PTPRD: variants seen among roughly 807,000 people sequenced by gnomAD.
PTPRD encodes the protein protein tyrosine phosphatase receptor type D.
Under a neutral mutation model 214.5 loss-of-function variants are expected in PTPRD, and 34 were observed. The observed-to-expected ratio is 0.16, with a 90% CI of 0.12 to 0.21. The LOEUF (loss-of-function observed/expected upper bound fraction) is 0.21. PTPRD is among the 10% of genes least tolerant of loss of function. PTPRD has a pLI of 1.00. For synonymous variants in PTPRD, 1,128 were observed against 845.7 expected, an observed-to-expected ratio of 1.33 and a Z score of -5.79; for missense variants, 2,545 against 2,398.7, an observed-to-expected ratio of 1.06 and a Z score of -1.27.
chr9:8,590,593 T>C (rs1159703738), intron 14 of PTPRD, among the ~76,000 whole-genome samples: 1 of 152,182 alleles, frequency 6.6e-6, no homozygotes, highest in African/African-American at 2.4e-5. Flanking sequence ...AAAAAGACAC[T>C]GTGTTCACTA....
intron 11 of PTPRD, among the ~76,000 whole-genome samples, chr9:8,868,609 T>G (rs987398333): frequency 6.6e-6 from 1 of 152,194 alleles, no homozygotes; most frequent in Non-Finnish European, 1.5e-5. Context: ...ATCACTAGAC[T>G]AGATTATCTT....
intron 4 of PTPRD, among the ~76,000 whole-genome samples, chr9:9,987,664 GAT>G (rs150286260): frequency 0.016 from 2,508 of 152,202 alleles, 62 homozygotes; most frequent in African/African-American, 0.056. Context: ...TCTTAATAAA[GAT>G]TCATTACCAA....
chr9:8,654,921 T>C (rs538564041), intron 12 of PTPRD, among the ~76,000 whole-genome samples: 4 of 152,142 alleles, frequency 2.6e-5, no homozygotes, highest in Non-Finnish European at 5.9e-5. Context: ...TCTGTTAGAC[T>C]TTCCCTGTAG....
In PTPRD at chr9:8,659,442, C is replaced by T. The variant is rs574892339; in HGVS notation, c.65-22598G>A. Reference sequence around the variant, plus strand: ...TTCCAACCTGTTGTTATCACCATGACCATCAGTATTTTCAAATACTACTAC... The same window carrying T: ...TTCCAACCTGTTGTTATCACCATGATCATCAGTATTTTCAAATACTACTAC... On this transcript the variant is annotated intron_variant, in intron 12 of 45. Coordinates refer to ENST00000381196, the MANE Select transcript of PTPRD (RefSeq NM_002839.4). Among the ~76,000 whole-genome samples, 110 of 152,296 alleles carry T rather than the reference C, an allele frequency of 7.2e-4. 1 individual carries two copies. The highest frequency in any genetic ancestry group is 1.7e-3 in the South Asian group (8 of 4,818).
chr9:10,517,386 A>G (rs948754131), intron 2 of PTPRD, among the ~76,000 whole-genome samples: 10 of 152,058 alleles, frequency 6.6e-5, no homozygotes, highest in African/African-American at 2.2e-4. Flanking sequence ...TAGTGTATCA[A>G]CAATGCAACT....
chr9:8,603,094 T>C (rs1255791499), intron 14 of PTPRD, among the ~76,000 whole-genome samples: 2 of 152,220 alleles, frequency 1.3e-5, no homozygotes, highest in South Asian at 2.1e-4. Flanking sequence ...TTCTATTACC[T>C]GCAAGATGAT....
rs1554723226 is a variant in PTPRD, at chr9:8,338,865, G to GAGAGAGAA, written c.5379+56_5379+57insTTCTCTCT. On this transcript the variant is annotated intron_variant, in intron 43 of 45. Transcript: ENST00000381196. ...CTTCTCCCAGAGAGAGAGAGAGAGA[G>GAGAGAGAA]GTATCTTAGACTACTTTTCAGCTAA... is the stretch of plus-strand genomic sequence containing the variant. The GAGAGAGAA allele has an allele frequency of 9.2e-5, 138 of 1,505,914 alleles. No individual in the cohort carries two copies. The South Asian group carries it at 1.7e-3, about 19-fold the overall frequency. The allele number at this position is 1,505,914 out of a possible 1,614,324, so 93.3% of individuals were successfully genotyped here.
intron 6 of PTPRD, among the ~76,000 whole-genome samples, chr9:9,735,843 T>A (rs1414556685): frequency 3.3e-5 from 5 of 152,146 alleles, no homozygotes; most frequent in Non-Finnish European, 7.4e-5. Context: ...TATTGTCATA[T>A]TTTAAGTTAT....
intron 3 of PTPRD, among the ~76,000 whole-genome samples, chr9:10,295,368 G>A (rs1340603709): frequency 6.6e-6 from 1 of 152,030 alleles, no homozygotes; most frequent in Non-Finnish European, 1.5e-5. Flanking sequence ...AAAACCTGAG[G>A]TGATTGCTTT....
At chr9:8,819,429 G>A (rs1004431916) in intron 11 of PTPRD, among the ~76,000 whole-genome samples, 2 of 152,118 alleles carry the variant, frequency 1.3e-5, no homozygotes, top group African/African-American at 4.8e-5. Flanking sequence ...TTGGGAGGCT[G>A]AAGCAGGCAG....
intron 10 of PTPRD, among the ~76,000 whole-genome samples, chr9:9,061,969 G>A (rs1260308117): frequency 6.6e-6 from 1 of 152,032 alleles, no homozygotes; most frequent in Non-Finnish European, 1.5e-5. Context: ...GACTGTGGGA[G>A]TAGAAATTAA....
rs1242617248 is a variant in PTPRD, at chr9:10,538,283, TAAATAAATAAATAA to T, written c.-600+74101_-600+74114del. ...ATAAATAAATAAATAAATAAATAAA[TAAATAAATAAATAA>T]AAAGGGAGAGGAGTGGTTCTGTAAA... On this transcript the variant is annotated intron_variant, in intron 2 of 45. Coordinates refer to ENST00000381196, the MANE Select transcript of PTPRD (RefSeq NM_002839.4). Among the ~76,000 whole-genome samples the T allele has an allele frequency of 4.9e-3, 711 of 144,848 alleles. 12 individuals carry two copies. Among genetic ancestry groups the T allele is most frequent in the African/African-American group, 0.018 (682 of 37,764 alleles).
At chr9:8,847,939 G>C (rs1433550) in intron 11 of PTPRD, among the ~76,000 whole-genome samples, 2,574 of 152,234 alleles carry the variant, frequency 0.017, 77 homozygotes, top group African/African-American at 0.058. Context: ...TTTCTTTGAT[G>C]GGTGACTGCT....
intron 2 of PTPRD, among the ~76,000 whole-genome samples, chr9:10,555,448 T>C (rs2062326689): frequency 6.6e-6 from 1 of 152,194 alleles, no homozygotes; most frequent in Non-Finnish European, 1.5e-5. Context: ...GTTTCAAACT[T>C]AACTGGGGGT....
At chr9:8,397,855 A>G (rs1234817457) in intron 36 of PTPRD, among the ~76,000 whole-genome samples, 3 of 152,158 alleles carry the variant, frequency 2.0e-5, no homozygotes, top group African/African-American at 4.8e-5. Flanking sequence ...TTGTAACATC[A>G]TCTATATTAT....
At chr9:8,381,630 A>C (rs565863033) in intron 37 of PTPRD, among the ~76,000 whole-genome samples, 1 of 152,366 alleles carries the variant, frequency 6.6e-6, no homozygotes, top group South Asian at 2.1e-4. Context: ...TTTGACCACC[A>C]GTGCAGCTTT....
chr9:8,819,795 T>C (rs1049933979), intron 11 of PTPRD, among the ~76,000 whole-genome samples: 3 of 152,238 alleles, frequency 2.0e-5, no homozygotes, highest in Non-Finnish European at 4.4e-5. Context: ...AAGTTGTTGA[T>C]AGCCGGAATT....
intron 39 of PTPRD, among the ~76,000 whole-genome samples, chr9:8,345,127 C>T (rs903012563): frequency 6.6e-6 from 1 of 151,930 alleles, no homozygotes; most frequent in Non-Finnish European, 1.5e-5. Context: ...ATAAATGTGC[C>T]TTATACCTGA....
intron 11 of PTPRD, among the ~76,000 whole-genome samples, chr9:8,823,715 G>T (rs1156691964): frequency 6.6e-6 from 1 of 152,086 alleles, no homozygotes; most frequent in Non-Finnish European, 1.5e-5. Context: ...AAAGGCGGAA[G>T]GAAGGAAACC....
Sources: allele counts gnomAD v4.1 joint callset (sites outside exome capture counted in the v4.1 genomes callset), GRCh38; gene constraint gnomAD v4.1.1; transcripts MANE v1.5; gene names NCBI Gene and HGNC (gene_info 2026-07-23, HGNC 2026-07-21).